Variants in PRKD2 observed in about 807,000 individuals in gnomAD.
PRKD2 encodes serine/threonine-protein kinase D2.
PRKD2 carries 22 observed loss-of-function variants against 86.0 expected under a neutral mutation model. The ratio of observed to expected loss-of-function variants is 0.26; its 90% CI spans 0.18 to 0.37. The LOEUF (loss-of-function observed/expected upper bound fraction) is 0.37, where lower values mean the gene tolerates loss of function less well. Ranked by LOEUF, PRKD2 falls within the 10% of genes least tolerant of loss-of-function variation. The pLI is 1.00. For missense variants in PRKD2, 818 were observed against 1,199.2 expected (o/e 0.68, Z 4.70); for synonymous variants, 509 against 510.9 (o/e 1.00, Z 0.05).
chr19:46,690,529 G>T (rs1174285488), intron 13 of PRKD2, 71 bp downstream of exon 13: 1 of 1,461,198 alleles, frequency 6.8e-7, no homozygotes, highest in South Asian at 1.2e-5. Flanking sequence ...AGCCTTCCCT[G>T]ACCACCCCTA....
intron 1 of PRKD2, 54 bp from the exon 2 acceptor site, chr19:46,714,055 AGC>A: frequency 6.3e-7 from 1 of 1,592,576 alleles, no homozygotes; most frequent in Non-Finnish European, 8.6e-7. Flanking sequence ...CGCCTTCAGC[AGC>A]GGGCGGACTG....
chr19:46,688,068 T>C (rs2053426336), intron 14 of PRKD2, among the ~76,000 whole-genome samples: 1 of 152,106 alleles, frequency 6.6e-6, no homozygotes, highest in African/African-American at 2.4e-5. Flanking sequence ...TTTTTTACTT[T>C]TTGTAGAGGT....
chr19:46,697,064 G>C (rs1187720123), intron 9 of PRKD2, 93 bp downstream of exon 9: 3 of 1,045,062 alleles, frequency 2.9e-6, no homozygotes, highest in Non-Finnish European at 4.5e-6. Flanking sequence ...TGATTTGCAG[G>C]ATCTGTCTGG....
Position 46,681,689 on chromosome 19 carries a change from T to C in PRKD2, c.2031A>G (p.Pro677=). Residue 677 remains proline, a synonymous_variant, in exon 15 of 18, where the codon CCA becomes CCG. Coordinates refer to ENST00000291281, the MANE Select transcript of PRKD2 (RefSeq NM_016457.5). ...FKNIVHCDLK[P]ENVLLASADP... ...CTGCTGATGCCAGCAACACGTTTTC[T>C]GGTTTCAAGTCACAGTGGACAATGT... is the stretch of plus-strand genomic sequence containing the variant. The C allele has an allele frequency of 6.2e-7, 1 of 1,604,220 alleles. No homozygotes were observed. The highest frequency in any genetic ancestry group is 8.5e-7 in the Non-Finnish European group (1 of 1,173,832).
At chr19:46,697,985 C>G in intron 7 of PRKD2, 135 bp from the exon 8 acceptor site, 1 of 697,556 alleles carries the variant, frequency 1.4e-6, no homozygotes. Context: ...GACATTTTCC[C>G]CCCAACACAC....
At position 46,710,600 on chromosome 19, in the gene PRKD2, G is replaced by C. The variant is rs138553029; in HGVS notation, c.511+307C>G. 504 of 346,460 alleles carry C rather than the reference G, an allele frequency of 1.5e-3. 5 individuals carry two copies. Among genetic ancestry groups the C allele is most frequent in the African/African-American group, 9.5e-3 (458 of 48,386 alleles). The allele number at this position is 346,460 out of a possible 1,614,324, so 21.5% of individuals were successfully genotyped here. A position where few individuals can be genotyped will look rare whatever the true frequency, so the allele number is the denominator to read the frequency against. On this transcript the variant is annotated intron_variant, in intron 3 of 17. Coordinates refer to ENST00000291281, the MANE Select transcript of PRKD2 (RefSeq NM_016457.5). ...TTCTCTGCTTGATCCCTAACTGATA[G>C]AGGCCCCACCCTCTTCCCCCGCCAC...
At chr19:46,681,582 T>A (rs900336609) in intron 15 of PRKD2, 68 bp downstream of exon 15, 4 of 604,828 alleles carry the variant, frequency 6.6e-6, no homozygotes, top group African/African-American at 1.9e-5. Flanking sequence ...TATAATCCCC[T>A]TCCCCACCCC....
intron 7 of PRKD2, among the ~76,000 whole-genome samples, chr19:46,699,898 C>T (rs1182279113): frequency 9.4e-6 from 1 of 106,384 alleles, no homozygotes; most frequent in Non-Finnish European, 1.8e-5. Context: ...CCCTGGGCAA[C>T]ATAGCAAGAC....
chr19:46,694,337 G>A (rs1053491367), intron 9 of PRKD2, among the ~76,000 whole-genome samples: 2 of 152,206 alleles, frequency 1.3e-5, no homozygotes, highest in Non-Finnish European at 2.9e-5. Flanking sequence ...GCTCATGCCT[G>A]TAATCCCAAC....
At position 46,675,101 on chromosome 19, in the gene PRKD2, T is replaced by G; in HGVS notation, c.2356A>C (p.Asn786His). ...TTGCGCATCTTCACCTGCAGCAGGT[T>G]GTTGATGAGGTCAATGGCTGCACAG... ...ISAGAIDLIN[N>H]LLQVKMRKRY... The change falls in exon 17 of 18, where the codon AAC (asparagine) becomes CAC (histidine). Residue 786 changes from asparagine to histidine, a missense_variant. Physicochemically the swap from Asn to His is moderately conservative, Grantham distance 68. Transcript: ENST00000291281. The G allele has an allele frequency of 6.2e-7, 1 of 1,611,014 alleles. No individual in the cohort carries two copies. Among genetic ancestry groups the G allele is most frequent in the Non-Finnish European group, 8.5e-7 (1 of 1,178,416 alleles).
intron 3 of PRKD2, among the ~76,000 whole-genome samples, chr19:46,706,694 A>G (rs1041599799): frequency 2.0e-5 from 3 of 152,108 alleles, no homozygotes; most frequent in Admixed American, 6.6e-5. Flanking sequence ...GGACTTGATG[A>G]CACCAGGGCT....
intron 16 of PRKD2, among the ~76,000 whole-genome samples, chr19:46,675,768 ACTTC>A (rs1339787808): frequency 1.3e-5 from 2 of 148,862 alleles, no homozygotes; most frequent in African/African-American, 4.9e-5. Flanking sequence ...AACCTACAAT[ACTTC>A]CTTTTTTTTT....
rs1394943371 is a variant in PRKD2 at position 46,691,993 on chromosome 19, G to T, written c.1577-8C>A. ...TGCTCAGAGAAGCTTGTCCTAGGGA[G>T]AGGGGAGAGACAGAGGTGAGGGGAC... On this transcript the variant is annotated splice_polypyrimidine_tract_variant and splice_region_variant and intron_variant, in intron 10 of 17. Coordinates refer to ENST00000291281, the MANE Select transcript of PRKD2 (RefSeq NM_016457.5). 2 of 1,613,318 alleles carry T rather than the reference G, an allele frequency of 1.2e-6. No homozygotes were observed. The highest frequency in any genetic ancestry group is 1.7e-6 in the Non-Finnish European group (2 of 1,179,448).
Position 46,674,419 on chromosome 19 carries a change from C to A in PRKD2, c.*104G>T. On this transcript the variant is annotated 3_prime_UTR_variant, in exon 18 of 18. Coordinates refer to ENST00000291281, the MANE Select transcript of PRKD2 (RefSeq NM_016457.5). ...TCCCCCCACCCCACTCCCCACGTGT[C>A]CCATCCAGTTTGGGCAGGAAGCCAC... 1 of 1,263,294 alleles carries A rather than the reference C, an allele frequency of 7.9e-7. No individual in the cohort carries two copies. Among genetic ancestry groups the A allele is most frequent in the South Asian group, 1.5e-5 (1 of 66,896 alleles). The allele number at this position is 1,263,294 out of a possible 1,614,324, so 78.3% of individuals were successfully genotyped here. A position where few individuals can be genotyped will look rare whatever the true frequency, so the allele number is the denominator to read the frequency against.
Position 46,675,026 on chromosome 19 carries a change from G to A in PRKD2, c.2424+7C>T, listed in dbSNP as rs1157290557. On this transcript the variant is annotated splice_region_variant and intron_variant, in intron 17 of 17. Coordinates refer to ENST00000291281, the MANE Select transcript of PRKD2 (RefSeq NM_016457.5). The stretch of plus-strand genomic sequence containing the variant: ...AGCCAATGGGCCAGCCCTGCCCCCT[G>A]CATCACCTGTAACCAGGGGTGGCTG... 2.5e-6 allele frequency: 4 copies of A among 1,601,974 alleles called. No homozygotes were observed. Among genetic ancestry groups the A allele is most frequent in the Non-Finnish European group, 2.6e-6 (3 of 1,172,786 alleles).
intron 12 of PRKD2, 130 bp from the exon 13 acceptor site, chr19:46,690,836 C>T (rs2053473733): frequency 1.3e-6 from 1 of 766,088 alleles, no homozygotes; most frequent in African/African-American, 1.7e-5. Context: ...GTTGGAAGGC[C>T]CCAGGAGATA....
Position 46,674,607 on chromosome 19 carries a change from C to A in PRKD2, c.2553G>T (p.Leu851=). 1 of 1,610,148 alleles carries A rather than the reference C, an allele frequency of 6.2e-7. No homozygotes were observed. The highest frequency in any genetic ancestry group is 8.5e-7 in the Non-Finnish European group (1 of 1,179,976). The change falls in exon 18 of 18, where the codon CTG becomes CTT. Residue 851 remains leucine (L), a synonymous_variant. Coordinates refer to ENST00000291281, the MANE Select transcript of PRKD2 (RefSeq NM_016457.5). ...AAEHPLPGSG[L]PTDRDLGGAC... ...CCCCACCGAGATCCCTGTCCGTGGG[C>A]AGCCCAGACCCAGGCAGCGGATGCT...
intron 14 of PRKD2, among the ~76,000 whole-genome samples, chr19:46,682,722 T>C (rs527974899): frequency 0.051 from 5,372 of 106,148 alleles, 214 homozygotes; most frequent in African/African-American, 0.14. Context: ...TTTTTTTTTT[T>C]TGAGACAGAG....
intron 2 of PRKD2, among the ~76,000 whole-genome samples, chr19:46,713,574 A>AC (rs1416205017): frequency 2.0e-5 from 3 of 151,338 alleles, no homozygotes; most frequent in Admixed American, 2.0e-4. Flanking sequence ...CGCCTTCATG[A>AC]CCCCACTCTG....
Sources: gnomAD v4.1 joint callset for allele counts (sites outside exome capture counted in the v4.1 genomes callset) on GRCh38, gnomAD v4.1.1 for gene constraint, MANE v1.5 for transcripts, NCBI Gene and HGNC (gene_info 2026-07-23, HGNC 2026-07-21) for gene names.